CDH18: variants seen among roughly 807,000 people sequenced by gnomAD.
CDH18 encodes cadherin-18.
Under a neutral mutation model 67.9 loss-of-function variants are expected in CDH18, and 31 were observed. The observed-to-expected ratio is 0.46, with a 90% confidence interval of 0.34 to 0.62. The LOEUF (loss-of-function observed/expected upper bound fraction) is 0.62. Among genes scored for constraint, CDH18 ranks in the 20% least tolerant of loss-of-function variants. The pLI, the probability that CDH18 is intolerant of heterozygous loss-of-function variation, is 0.01. For synonymous variants in CDH18, 362 were observed against 347.2 expected (o/e 1.04, Z -0.48); for missense variants, 890 against 975.5 (o/e 0.91, Z 1.17).
At chr5:19,680,959 A>C (rs938856695) in intron 5 of CDH18, among the ~76,000 whole-genome samples, 4 of 152,072 alleles carry the variant, frequency 2.6e-5, no homozygotes, top group African/African-American at 7.2e-5. Flanking sequence ...AGACACATTC[A>C]TGTATATGTT....
intron 2 of CDH18, among the ~76,000 whole-genome samples, chr5:20,005,547 T>C (rs1305979401): frequency 6.0e-5 from 9 of 151,180 alleles, no homozygotes; most frequent in Admixed American, 5.9e-4. Flanking sequence ...CAACAATTTC[T>C]ATATATATAT....
chr5:20,556,211 T>C lies in CDH18; in HGVS notation c.-580+19251A>G, dbSNP rs1001166333. Among the ~76,000 whole-genome samples, 5 of 152,294 alleles carry C rather than the reference T, an allele frequency of 3.3e-5. 1 individual carries two copies. The highest frequency in any genetic ancestry group is 3.3e-4 in the Admixed American group (5 of 15,286). On this transcript the variant is annotated intron_variant, in intron 1 of 14. Coordinates refer to the CDH18 transcript ENST00000507958. Reference sequence around the variant, plus strand: ...GAAAAGTGTTTCAAGAGCAGTTAAATATGCCTCATGCTGTCCTGACAGGCT... The same window carrying C: ...GAAAAGTGTTTCAAGAGCAGTTAAACATGCCTCATGCTGTCCTGACAGGCT...
At chr5:20,338,631 A>G (rs1252001490) in intron 1 of CDH18, among the ~76,000 whole-genome samples, 1 of 152,228 alleles carries the variant, frequency 6.6e-6, no homozygotes, top group Non-Finnish European at 1.5e-5. Flanking sequence ...CTTTTGAGAC[A>G]TCTGGTATAT....
intron 1 of CDH18, among the ~76,000 whole-genome samples, chr5:20,493,934 CAAA>C (rs1273974815): frequency 6.7e-6 from 1 of 149,714 alleles, no homozygotes; most frequent in Non-Finnish European, 1.5e-5. Flanking sequence ...AAAACAAAAA[CAAA>C]AACAAAAACA....
chr5:20,482,074 A>C (rs1317853630), intron 1 of CDH18, among the ~76,000 whole-genome samples: 1 of 151,936 alleles, frequency 6.6e-6, no homozygotes, highest in East Asian at 1.9e-4. Context: ...AGAGAGAAGA[A>C]TAAAATAAAA....
At chr5:20,148,217 G>C (rs1474275299) in intron 2 of CDH18, among the ~76,000 whole-genome samples, 35 of 151,190 alleles carry the variant, frequency 2.3e-4, no homozygotes, top group Non-Finnish European at 7.4e-5. Context: ...TCAGCCTCCC[G>C]AGTAGCTGGG....
intron 1 of CDH18, among the ~76,000 whole-genome samples, chr5:20,430,411 T>C (rs1748647264): frequency 6.6e-6 from 1 of 152,142 alleles, no homozygotes; most frequent in Non-Finnish European, 1.5e-5. Context: ...ATCATGCTGC[T>C]CTGGGCTTCT....
At chr5:19,866,625 A>G (rs1341461889) in intron 2 of CDH18, among the ~76,000 whole-genome samples, 2 of 152,136 alleles carry the variant, frequency 1.3e-5, no homozygotes, top group Non-Finnish European at 2.9e-5. Context: ...CTGGGGCAAG[A>G]TTTCTCAGTA....
At chr5:20,423,589 G>C (rs1287472277) in intron 1 of CDH18, among the ~76,000 whole-genome samples, 1 of 150,970 alleles carries the variant, frequency 6.6e-6, no homozygotes, top group Non-Finnish European at 1.5e-5. Flanking sequence ...CACGCAAAGA[G>C]ATGTGAAAAG....
chr5:19,934,940 C>T (rs1044121215), intron 2 of CDH18, among the ~76,000 whole-genome samples: 2 of 151,238 alleles, frequency 1.3e-5, no homozygotes, highest in Non-Finnish European at 3.0e-5. Context: ...TGGATCCATA[C>T]ATCATGTTTA....
intron 2 of CDH18, among the ~76,000 whole-genome samples, chr5:19,883,444 AT>A (rs56161925): frequency 1.4e-4 from 21 of 147,022 alleles, no homozygotes; most frequent in South Asian, 1.1e-3. Flanking sequence ...CTACATCAAC[AT>A]TTTTTTTTTT....
chr5:20,522,341 A>C (rs3893285), intron 1 of CDH18, among the ~76,000 whole-genome samples: 11,535 of 152,216 alleles, frequency 0.076, 1,404 homozygotes, highest in African/African-American at 0.26. Flanking sequence ...GACACAAATA[A>C]CCATGTCTCC....
intron 5 of CDH18, among the ~76,000 whole-genome samples, chr5:19,698,562 C>A (rs1257475239): frequency 6.6e-6 from 1 of 151,676 alleles, no homozygotes; most frequent in South Asian, 2.1e-4. Flanking sequence ...ACTTTAAAAT[C>A]ACAATAAGTT....
At chr5:19,629,025 A>G (rs1752011719) in intron 5 of CDH18, among the ~76,000 whole-genome samples, 1 of 152,194 alleles carries the variant, frequency 6.6e-6, no homozygotes, top group African/African-American at 2.4e-5. Context: ...TAAGTAAAGT[A>G]TGATATGGCC....
chr5:19,719,865 GAA>G (rs1324558687), intron 5 of CDH18, among the ~76,000 whole-genome samples: 5 of 144,990 alleles, frequency 3.4e-5, no homozygotes, highest in Non-Finnish European at 6.0e-5. Context: ...GAGAAAGAAA[GAA>G]AAGAGAGAGA....
intron 2 of CDH18, among the ~76,000 whole-genome samples, chr5:20,172,338 T>C (rs28593084): frequency 3.4e-5 from 5 of 149,028 alleles, no homozygotes; most frequent in Non-Finnish European, 7.4e-5. Context: ...TCATGAATGA[T>C]TGCCTTTTTC....
At chr5:19,954,197 G>C (rs527295285) in intron 2 of CDH18, among the ~76,000 whole-genome samples, 6 of 152,050 alleles carry the variant, frequency 3.9e-5, no homozygotes, top group African/African-American at 1.4e-4. Flanking sequence ...TTTTCAAAAA[G>C]CAATTTCTAA....
At chr5:20,325,865 T>A (rs1738525893) in intron 1 of CDH18, among the ~76,000 whole-genome samples, 2 of 152,152 alleles carry the variant, frequency 1.3e-5, no homozygotes, top group South Asian at 4.1e-4. Context: ...TACATTGGCC[T>A]ATATTATAAT....
chr5:19,788,603 G>A (rs1183289166), intron 3 of CDH18, among the ~76,000 whole-genome samples: 3 of 152,088 alleles, frequency 2.0e-5, no homozygotes, highest in African/African-American at 7.2e-5. Context: ...GGCTTTCATA[G>A]GGTGGGCTTC....
Sources: allele counts gnomAD v4.1 joint callset (sites outside exome capture counted in the v4.1 genomes callset), GRCh38; gene constraint gnomAD v4.1.1; transcripts MANE v1.5; gene names NCBI Gene and HGNC (gene_info 2026-07-23, HGNC 2026-07-21).